Variants in TEAD1 observed in about 807,000 individuals in gnomAD.
The protein encoded by TEAD1 is transcriptional enhancer factor TEF-1.
TEAD1 carries 9 observed loss-of-function variants against 54.9 expected under a neutral mutation model. The observed-to-expected ratio is 0.16, with a 90% CI of 0.10 to 0.29. TEAD1 has a LOEUF of 0.29. TEAD1 is among the 10% of genes least tolerant of loss of function. TEAD1 has a pLI of 1.00. For synonymous variants in TEAD1, 200 were observed against 187.8 expected (o/e 1.07, Z -0.53); for missense variants, 387 against 535.9 (o/e 0.72, Z 2.74).
intron 3 of TEAD1, among the ~76,000 whole-genome samples, chr11:12,857,528 A>G (rs1458592673): frequency 2.6e-5 from 4 of 151,000 alleles, no homozygotes; most frequent in Non-Finnish European, 5.9e-5. Context: ...ATTGAAAGTC[A>G]TTTTTGTAGC....
intron 3 of TEAD1, among the ~76,000 whole-genome samples, chr11:12,806,560 G>T (rs1294354658): frequency 6.6e-6 from 1 of 152,186 alleles, no homozygotes; most frequent in African/African-American, 2.4e-5. Flanking sequence ...GAAGACCAGA[G>T]CAAGACCCTC....
At chr11:12,889,960 G>A (rs895548438) in intron 9 of TEAD1, among the ~76,000 whole-genome samples, 3 of 152,026 alleles carry the variant, frequency 2.0e-5, no homozygotes, top group East Asian at 1.9e-4. Context: ...GGGCTCAAGC[G>A]ATCCACCCAC....
chr11:12,733,933 C>G (rs938790725), intron 2 of TEAD1, among the ~76,000 whole-genome samples: 11 of 152,228 alleles, frequency 7.2e-5, no homozygotes, highest in Non-Finnish European at 1.3e-4. Flanking sequence ...CCCCCGCCCC[C>G]TCTAGGAACA....
At position 12,937,928 on chromosome 11, in the gene TEAD1, A is replaced by G. The variant is rs1949125062; in HGVS notation, c.*706A>G. 1 of 152,502 alleles carries G rather than the reference A, an allele frequency of 6.6e-6. No homozygotes were observed. Among genetic ancestry groups the G allele is most frequent in the Non-Finnish European group, 1.5e-5 (1 of 68,010 alleles). The allele number at this position is 152,502 out of a possible 1,614,324, so 9.4% of individuals were successfully genotyped here. ...ATCTCCTAATCCATTAAACTCTTGAACAGGTATTACAAAGGAAGAAAACTT... is the reference window on the plus strand; with the variant it reads ...ATCTCCTAATCCATTAAACTCTTGAGCAGGTATTACAAAGGAAGAAAACTT... On this transcript the variant is annotated 3_prime_UTR_variant, in exon 13 of 13. Transcript: ENST00000527636.
At chr11:12,742,319 C>T (rs904924787) in intron 2 of TEAD1, among the ~76,000 whole-genome samples, 7 of 152,110 alleles carry the variant, frequency 4.6e-5, no homozygotes, top group Non-Finnish European at 4.4e-5. Flanking sequence ...AGTAATATTT[C>T]TACCTCTTGT....
Position 12,712,710 on chromosome 11 carries a change from TAGGG to T in TEAD1, c.-55+37152_-55+37155del, listed in dbSNP as rs576451581. 4.0e-3 allele frequency among the ~76,000 whole-genome samples: 604 copies of T among 152,260 alleles called. 1 individual carries two copies. Among genetic ancestry groups the T allele is most frequent in the Non-Finnish European group, 7.0e-3 (474 of 68,012 alleles). Reference sequence around the variant, plus strand: ...AAATATATCAATCACGTGAGAATAATAGGGAGTAAAATGAGAGACCAGACTTTTA... The same window carrying T: ...AAATATATCAATCACGTGAGAATAATAGTAAAATGAGAGACCAGACTTTTA... On this transcript the variant is annotated intron_variant, in intron 2 of 12. Transcript: ENST00000527636.
intron 2 of TEAD1, among the ~76,000 whole-genome samples, chr11:12,693,367 C>G (rs1943504582): frequency 6.6e-6 from 1 of 152,226 alleles, no homozygotes; most frequent in Non-Finnish European, 1.5e-5. Flanking sequence ...AATCATTGGT[C>G]TGCTCACTCT....
At chr11:12,886,281 G>T (rs1948085294) in intron 9 of TEAD1, among the ~76,000 whole-genome samples, 1 of 152,158 alleles carries the variant, frequency 6.6e-6, no homozygotes, top group African/African-American at 2.4e-5. Context: ...AATCTGAATG[G>T]GTAAACTGGA....
intron 2 of TEAD1, among the ~76,000 whole-genome samples, chr11:12,683,172 G>C (rs373286832): frequency 2.0e-5 from 3 of 152,216 alleles, no homozygotes; most frequent in East Asian, 1.9e-4. Flanking sequence ...GATTGATAGA[G>C]AGTAAAAAGT....
At chr11:12,867,009 A>G (rs1947632627) in intron 5 of TEAD1, among the ~76,000 whole-genome samples, 1 of 152,172 alleles carries the variant, frequency 6.6e-6, no homozygotes, top group African/African-American at 2.4e-5. Flanking sequence ...GAAAGAGGAA[A>G]GGCAGCCTAA....
intron 2 of TEAD1, among the ~76,000 whole-genome samples, chr11:12,679,760 A>T (rs1816707155): frequency 6.6e-6 from 1 of 151,362 alleles, no homozygotes; most frequent in African/African-American, 2.4e-5. Context: ...TTTTTTTTTT[A>T]AACTTGGAAT....
At chr11:12,736,701 C>G (rs1044650196) in intron 2 of TEAD1, among the ~76,000 whole-genome samples, 2 of 152,098 alleles carry the variant, frequency 1.3e-5, no homozygotes. Flanking sequence ...GGAACCTAAG[C>G]TTTTGATTCT....
chr11:12,823,124 A>T lies in TEAD1; in HGVS notation c.203-39126A>T, dbSNP rs1946585596. 2.0e-5 allele frequency among the ~76,000 whole-genome samples: 3 copies of T among 152,220 alleles called. No homozygotes were observed. In the South Asian group the frequency reaches 6.2e-4, roughly 32 times the overall value. On this transcript the variant is annotated intron_variant, in intron 3 of 12. Coordinates refer to ENST00000527636, the MANE Select transcript of TEAD1 (RefSeq NM_021961.6). ...CTCATAGCAGCGAAGAAGAGAGAGC[A>T]TCTGTCCTGGTTCTCCTTCACCTTG...
chr11:12,890,962 G>A, intron 9 of TEAD1, among the ~76,000 whole-genome samples: 1 of 151,994 alleles, frequency 6.6e-6, no homozygotes, highest in East Asian at 1.9e-4. Flanking sequence ...ACAAGGTTTT[G>A]TCATGTTGGC....
At chr11:12,765,087 CT>C (rs1477481015) in intron 3 of TEAD1, among the ~76,000 whole-genome samples, 1 of 152,072 alleles carries the variant, frequency 6.6e-6, no homozygotes, top group Non-Finnish European at 1.5e-5. Context: ...ATCTCCCCTT[CT>C]TTGGGGGTTG....
At chr11:12,702,062 A>T (rs1264598864) in intron 2 of TEAD1, among the ~76,000 whole-genome samples, 1 of 152,142 alleles carries the variant, frequency 6.6e-6, no homozygotes, top group African/African-American at 2.4e-5. Flanking sequence ...CAGACTGTGT[A>T]AATGGAGAGC....
At chr11:12,712,793 A>G (rs1943971648) in intron 2 of TEAD1, among the ~76,000 whole-genome samples, 1 of 152,186 alleles carries the variant, frequency 6.6e-6, no homozygotes, top group Non-Finnish European at 1.5e-5. Flanking sequence ...TGCAAGCATT[A>G]TGGGGCAATT....
chr11:12,782,299 G>T (rs188108923), intron 3 of TEAD1, among the ~76,000 whole-genome samples: 13 of 152,278 alleles, frequency 8.5e-5, no homozygotes, highest in African/African-American at 3.1e-4. Flanking sequence ...GTCTTAATAT[G>T]TACCACAATA....
At position 12,768,488 on chromosome 11, in the gene TEAD1, T is replaced by G. The variant is rs7102018; in HGVS notation, c.202+4054T>G. ...AATGCTCTTAACAATGCTTTGAAGC[T>G]GGTATTATCATCCTCACTGTATAGA... On this transcript the variant is annotated intron_variant, in intron 3 of 12. Transcript: ENST00000527636. Among the ~76,000 whole-genome samples, 225 of 152,316 alleles carry G rather than the reference T, an allele frequency of 1.5e-3. 1 individual carries two copies. The highest frequency in any genetic ancestry group is 5.1e-3 in the African/African-American group (214 of 41,574).
Sources: allele counts gnomAD v4.1 joint callset (sites outside exome capture counted in the v4.1 genomes callset), GRCh38; gene constraint gnomAD v4.1.1; transcripts MANE v1.5; gene names NCBI Gene and HGNC (gene_info 2026-07-23, HGNC 2026-07-21).